Variants in PDE4D observed in about 807,000 individuals in gnomAD.
The protein encoded by PDE4D is phosphodiesterase 4D.
Under a neutral mutation model 87.4 loss-of-function variants are expected in PDE4D, and 24 were observed. The observed-to-expected ratio is 0.27, with a 90% CI of 0.20 to 0.39. The LOEUF is 0.39. Ranked by LOEUF, PDE4D falls within the 10% of genes least tolerant of loss-of-function variation. The probability of loss-of-function intolerance (pLI) is 1.00; values close to 1 mark genes in which losing one functional copy is unlikely to be tolerated. For synonymous variants in PDE4D, 384 were observed against 383.2 expected (o/e 1.00, Z -0.02); for missense variants, 714 against 1,041.0 (o/e 0.69, Z 4.32).
In PDE4D at chr5:58,974,843, C is replaced by A; in HGVS notation, c.2251G>T (p.Asp751Tyr). The A allele has an allele frequency of 6.2e-7, 1 of 1,613,258 alleles. No individual in the cohort carries two copies. Among genetic ancestry groups the A allele is most frequent in the African/African-American group, 1.3e-5 (1 of 75,020 alleles). Residue 751 changes from aspartate (D) to tyrosine (Y), a missense_variant, in exon 15 of 15, where the codon GAC becomes TAC. Around this residue, in one of 7 missense-constraint regions of PDE4D, gnomAD observed 90 missense variants for 95.3 expected, o/e 0.94. Transcript: ENST00000340635. ...TCTTCTTCCACTTGACTGCCACTGT[C>A]CTTTTCCGTGTCTGACTCACCATCT... ...EEDGESDTEK[D>Y]SGSQVEEDTS...
chr5:59,465,968 G>T (rs534213063), intron 1 of PDE4D, among the ~76,000 whole-genome samples: 1 of 152,062 alleles, frequency 6.6e-6, no homozygotes, highest in East Asian at 1.9e-4. Context: ...GTTTTGTTTT[G>T]TTTTTTTAGA....
intron 1 of PDE4D, among the ~76,000 whole-genome samples, chr5:60,213,035 T>C (rs969485583): frequency 6.6e-6 from 1 of 152,198 alleles, no homozygotes; most frequent in Non-Finnish European, 1.5e-5. Flanking sequence ...CTCTATAGAT[T>C]TCCTTATCCA....
upstream of PDE4D, among the ~76,000 whole-genome samples, chr5:60,488,919 C>T (rs1444704843): frequency 6.6e-6 from 1 of 152,156 alleles, no homozygotes; most frequent in Non-Finnish European, 1.5e-5. Context: ...AAGAGAGAAT[C>T]AATACTGCTC....
At chr5:59,315,606 G>A (rs1773554243) in intron 1 of PDE4D, among the ~76,000 whole-genome samples, 1 of 152,086 alleles carries the variant, frequency 6.6e-6, no homozygotes, top group African/African-American at 2.4e-5. Flanking sequence ...GTCATGGCTG[G>A]CACCAGGGAG....
chr5:59,961,713 G>T (rs1345379586), intron 3 of PDE4D, among the ~76,000 whole-genome samples: 1 of 152,136 alleles, frequency 6.6e-6, no homozygotes, highest in African/African-American at 2.4e-5. Context: ...GGGGCATAAA[G>T]AAAAATAAAT....
chr5:60,257,126 A>G (rs1033327553), intron 1 of PDE4D, among the ~76,000 whole-genome samples: 1 of 151,768 alleles, frequency 6.6e-6, no homozygotes, highest in African/African-American at 2.4e-5. Flanking sequence ...AAAGATGGCC[A>G]AAAAGAATTA....
chr5:60,223,231 C>T (rs1744699005), intron 1 of PDE4D, among the ~76,000 whole-genome samples: 1 of 151,968 alleles, frequency 6.6e-6, no homozygotes, highest in Admixed American at 6.6e-5. Context: ...TGAGGAGATC[C>T]TTGAAAGACG....
At chr5:59,038,995 G>C in intron 5 of PDE4D, 24 bp from the exon 6 acceptor site, 2 of 1,558,590 alleles carry the variant, frequency 1.3e-6, no homozygotes, top group Non-Finnish European at 8.7e-7. Flanking sequence ...GGGAAAGGGG[G>C]ACTCAGTTCT....
At chr5:59,141,483 G>A (rs1243890045) in intron 5 of PDE4D, among the ~76,000 whole-genome samples, 1 of 152,192 alleles carries the variant, frequency 6.6e-6, no homozygotes, top group Non-Finnish European at 1.5e-5. Context: ...TTCTGAGGAA[G>A]TTGGTGAAAG....
chr5:59,867,837 T>C (rs902237859), intron 1 of PDE4D, among the ~76,000 whole-genome samples: 8 of 152,182 alleles, frequency 5.3e-5, no homozygotes, highest in African/African-American at 1.9e-4. Context: ...CAGAATATGA[T>C]ATATTATGTC....
chr5:60,010,110 G>A (rs1388945225), intron 2 of PDE4D, among the ~76,000 whole-genome samples: 1 of 152,026 alleles, frequency 6.6e-6, no homozygotes, highest in East Asian at 1.9e-4. Flanking sequence ...TACTCCCTAA[G>A]GACATAAGTG....
At chr5:59,484,501 C>T (rs760009261) in intron 1 of PDE4D, among the ~76,000 whole-genome samples, 1 of 152,034 alleles carries the variant, frequency 6.6e-6, no homozygotes, top group African/African-American at 2.4e-5. Context: ...CAGTTAAAGC[C>T]CCCACTGAAA....
In PDE4D at chr5:59,405,748, A is replaced by T. The variant is rs972101402; in HGVS notation, c.456-189780T>A. Among the ~76,000 whole-genome samples the T allele has an allele frequency of 9.9e-5, 15 of 152,162 alleles. No homozygotes were observed. The South Asian group carries it at 3.1e-3, about 32-fold the overall frequency. Reference sequence around the variant, plus strand: ...TTTTTTGAGTTTTTATCATGAAGGGATGTTGAATTTTATCAAATGCTTTCC... The same window carrying T: ...TTTTTTGAGTTTTTATCATGAAGGGTTGTTGAATTTTATCAAATGCTTTCC... On this transcript the variant is annotated intron_variant, in intron 1 of 14. Coordinates refer to ENST00000340635, the MANE Select transcript of PDE4D (RefSeq NM_001104631.2).
chr5:59,543,720 C>T (rs781349821), intron 1 of PDE4D, among the ~76,000 whole-genome samples: 1 of 151,904 alleles, frequency 6.6e-6, no homozygotes, highest in African/African-American at 2.4e-5. Context: ...GATGGAAGAG[C>T]GCCCACCCCT....
intron 3 of PDE4D, among the ~76,000 whole-genome samples, chr5:59,923,941 A>G (rs575228814): frequency 6.6e-6 from 1 of 152,362 alleles, no homozygotes; most frequent in Non-Finnish European, 1.5e-5. Context: ...CTCAAACAGA[A>G]AATTCAAAAT....
At chr5:59,934,931 A>G (rs1050230859) in intron 3 of PDE4D, among the ~76,000 whole-genome samples, 1 of 152,198 alleles carries the variant, frequency 6.6e-6, no homozygotes, top group African/African-American at 2.4e-5. Flanking sequence ...GAGAGACGAC[A>G]ATTTTCAATG....
chr5:60,322,050 T>C (rs185802527), intron 1 of PDE4D, among the ~76,000 whole-genome samples: 333 of 152,208 alleles, frequency 2.2e-3, no homozygotes, highest in Non-Finnish European at 3.4e-3. Flanking sequence ...AACCCCATTA[T>C]TGGGTTTATA....
At chr5:59,080,542 CT>C (rs1364997833) in intron 5 of PDE4D, among the ~76,000 whole-genome samples, 1 of 152,148 alleles carries the variant, frequency 6.6e-6, no homozygotes, top group Non-Finnish European at 1.5e-5. Context: ...CATATTGCTT[CT>C]TGCCACTCGC....
intron 5 of PDE4D, among the ~76,000 whole-genome samples, chr5:59,090,566 TATC>T (rs1350965172): frequency 5.3e-5 from 8 of 152,234 alleles, no homozygotes; most frequent in Admixed American, 5.2e-4. Flanking sequence ...TGAGAAACGC[TATC>T]ATCATCTCTT....
Sources: allele counts gnomAD v4.1 joint callset (sites outside exome capture counted in the v4.1 genomes callset), GRCh38; gene constraint gnomAD v4.1.1; regional missense constraint gnomAD v4.1.1; transcripts MANE v1.5; gene names NCBI Gene and HGNC (gene_info 2026-07-23, HGNC 2026-07-21).